The following LINGO2 variants were observed in gnomAD, a reference collection of about 807,000 sequenced individuals.
LINGO2 encodes leucine rich repeat and Ig domain containing 2.
In LINGO2, 14 loss-of-function variants were observed where a neutral mutation model predicts 30.6. The observed-to-expected ratio is 0.46, with a 90% CI of 0.30 to 0.72. LINGO2 has a LOEUF of 0.72. Among genes scored for constraint, LINGO2 ranks in the 30% least tolerant of loss-of-function variants. The probability of loss-of-function intolerance (pLI) is 0.07; values close to 1 mark genes in which losing one functional copy is unlikely to be tolerated. For synonymous variants in LINGO2, 317 were observed against 288.5 expected, an observed-to-expected ratio of 1.10 and a Z score of -1.00; for missense variants, 729 against 751.7, an observed-to-expected ratio of 0.97 and a Z score of 0.35.
the LINGO2 span, among the ~76,000 whole-genome samples, chr9:28,848,697 G>A: frequency 6.6e-6 from 1 of 151,370 alleles, no homozygotes; most frequent in Non-Finnish European, 1.5e-5. Context: ...CACCATGAGA[G>A]TGAAAGGCCA....
the LINGO2 span, among the ~76,000 whole-genome samples, chr9:29,090,982 T>A: frequency 5.7e-3 from 874 of 152,190 alleles, 8 homozygotes; most frequent in African/African-American, 0.02. Context: ...CACAGTTATT[T>A]ATATTTCTCT....
chr9:29,202,279 G>C, the LINGO2 span, among the ~76,000 whole-genome samples: 4 of 151,866 alleles, frequency 2.6e-5, no homozygotes, highest in African/African-American at 9.7e-5. Context: ...ATGATACTAA[G>C]CTCATTTTTT....
At chr9:28,414,955 CAT>C (rs1822910119) in intron 2 of LINGO2, among the ~76,000 whole-genome samples, 1 of 151,892 alleles carries the variant, frequency 6.6e-6, no homozygotes, top group South Asian at 2.1e-4. Flanking sequence ...TTTAAATAAA[CAT>C]ATAGTATATC....
At chr9:29,123,487 T>C in the LINGO2 span, among the ~76,000 whole-genome samples, 1 of 151,994 alleles carries the variant, frequency 6.6e-6, no homozygotes, top group Non-Finnish European at 1.5e-5. Context: ...GAGGCTTTAA[T>C]AAGCTTTTAA....
intron 2 of LINGO2, among the ~76,000 whole-genome samples, chr9:28,472,676 T>G (rs1825573439): frequency 6.6e-6 from 1 of 152,114 alleles, no homozygotes; most frequent in Admixed American, 6.5e-5. Context: ...TTTATTTTGG[T>G]CTCTTCTTTT....
chr9:28,003,559 T>C (rs532785051), intron 5 of LINGO2, among the ~76,000 whole-genome samples: 147 of 152,216 alleles, frequency 9.7e-4, no homozygotes, highest in East Asian at 9.7e-4. Flanking sequence ...CCCGAGTTCA[T>C]GCCATTCTTC....
chr9:28,507,475 G>T lies in LINGO2; in HGVS notation c.-364-31450C>A, dbSNP rs139658034. ...ATATCCCACTCACCATCCTACCTTA[G>T]ATATTTAATAGACATCTCTGACTTA... is the stretch of plus-strand genomic sequence containing the variant. On this transcript the variant is annotated intron_variant, in intron 1 of 5. Coordinates refer to ENST00000379992, the Ensembl canonical transcript of LINGO2. Among the ~76,000 whole-genome samples, 8 of 152,088 alleles carry T rather than the reference G, an allele frequency of 5.3e-5. No individual in the cohort carries two copies. In the East Asian group the frequency reaches 1.4e-3, roughly 26 times the overall value.
chr9:28,398,804 G>A (rs1047916488), intron 2 of LINGO2, among the ~76,000 whole-genome samples: 1 of 152,092 alleles, frequency 6.6e-6, no homozygotes, highest in African/African-American at 2.4e-5. Context: ...TTCAGGAAAT[G>A]TAATTTTTGA....
intron 2 of LINGO2, among the ~76,000 whole-genome samples, chr9:28,433,949 C>CTCTCTATATATATA (rs1225323260): frequency 2.3e-4 from 20 of 88,544 alleles, no homozygotes; most frequent in African/African-American, 9.0e-4. Context: ...CTCTCTCTCT[C>CTCTCTATATATATA]TATATATATA....
At chr9:28,553,511 T>G (rs1337284257) in intron 1 of LINGO2, among the ~76,000 whole-genome samples, 1 of 151,960 alleles carries the variant, frequency 6.6e-6, no homozygotes, top group Non-Finnish European at 1.5e-5. Context: ...AAAGACCAAA[T>G]CTACGTCTGA....
chr9:28,853,819 G>A, the LINGO2 span, among the ~76,000 whole-genome samples: 1 of 151,876 alleles, frequency 6.6e-6, no homozygotes, highest in Non-Finnish European at 1.5e-5. Context: ...ACCTGGTCCT[G>A]CCCTTGACAT....
At chr9:28,856,001 G>A in the LINGO2 span, among the ~76,000 whole-genome samples, 1 of 152,024 alleles carries the variant, frequency 6.6e-6, no homozygotes, top group Non-Finnish European at 1.5e-5. Context: ...CAAGATAACT[G>A]GGAGGCAGGA....
the LINGO2 span, among the ~76,000 whole-genome samples, chr9:28,833,002 G>A: frequency 5.9e-3 from 891 of 152,142 alleles, 7 homozygotes; most frequent in African/African-American, 0.021. Flanking sequence ...AACCAGTAAC[G>A]GATGGACTGG....
At chr9:29,018,035 T>TAG in the LINGO2 span, among the ~76,000 whole-genome samples, 3 of 142,772 alleles carry the variant, frequency 2.1e-5, no homozygotes, top group African/African-American at 5.1e-5. Context: ...TATATATATA[T>TAG]AGAGAGAGAG....
At chr9:28,855,672 C>G in the LINGO2 span, among the ~76,000 whole-genome samples, 2 of 151,988 alleles carry the variant, frequency 1.3e-5, no homozygotes, top group African/African-American at 4.8e-5. Context: ...CACACATACA[C>G]ACACACAAGC....
chr9:29,176,012 G>C, the LINGO2 span, among the ~76,000 whole-genome samples: 176 of 147,662 alleles, frequency 1.2e-3, no homozygotes, highest in African/African-American at 4.2e-3. Flanking sequence ...ACATCTTATG[G>C]CTCAGGCTGG....
chr9:28,372,757 T>C (rs1417523167), intron 3 of LINGO2, 79 bp downstream of exon 5: 1 of 152,594 alleles, frequency 6.6e-6, no homozygotes, highest in East Asian at 1.9e-4. Flanking sequence ...AGTCATAAAC[T>C]ATAACATTAG....
intron 5 of LINGO2, among the ~76,000 whole-genome samples, chr9:28,003,891 G>A (rs937684693): frequency 6.6e-6 from 1 of 152,098 alleles, no homozygotes; most frequent in African/African-American, 2.4e-5. Flanking sequence ...ATCTTGGTTG[G>A]GACCGAGTTT....
the LINGO2 span, among the ~76,000 whole-genome samples, chr9:28,787,617 C>T: frequency 3.3e-5 from 5 of 152,202 alleles, no homozygotes; most frequent in South Asian, 4.1e-4. Context: ...GTCTTTTACC[C>T]GGTAGTTCCT....
Sources: allele counts gnomAD v4.1 joint callset (sites outside exome capture counted in the v4.1 genomes callset), GRCh38; gene constraint gnomAD v4.1.1; transcripts MANE v1.5; gene names NCBI Gene and HGNC (gene_info 2026-07-23, HGNC 2026-07-21).